Variants in TRANK1 observed in about 807,000 individuals in gnomAD.
TRANK1 encodes tetratricopeptide repeat and ankyrin repeat containing 1.
In TRANK1, 198 loss-of-function variants were observed where a neutral mutation model predicts 266.0. The observed-to-expected ratio is 0.74, with a 90% CI of 0.66 to 0.84. The LOEUF (loss-of-function observed/expected upper bound fraction) is 0.84, where lower values mean the gene tolerates loss of function less well. Among genes scored for constraint, TRANK1 ranks in the 40% least tolerant of loss-of-function variants. The pLI is 0.00. For missense variants in TRANK1, 3,326 were observed against 3,634.6 expected (o/e 0.92, Z 2.18); for synonymous variants, 1,396 against 1,384.1 (o/e 1.01, Z -0.19).
chr3:36,871,936 C>G (rs144656106), intron 9 of TRANK1, among the ~76,000 whole-genome samples: 1 of 152,220 alleles, frequency 6.6e-6, no homozygotes, highest in African/African-American at 2.4e-5. Context: ...TTGCTGCCCA[C>G]TTGCACATTC....
chr3:36,923,548 G>A (rs576295579), intron 1 of TRANK1, among the ~76,000 whole-genome samples: 28 of 152,180 alleles, frequency 1.8e-4, no homozygotes, highest in East Asian at 3.9e-4. Context: ...GAGCCACCGC[G>A]CCTGGCCTTG....
At position 36,833,084 on chromosome 3, in the gene TRANK1, C is replaced by T; in HGVS notation, c.6499G>A (p.Ala2167Thr). ...CTGCCCAAAAGGTGTTTGTTTAGGG[C>T]TAATTTCACTTGGTCAGTCATTATC... ...FLIMTDQVKL[A>T]LNKHLLGRLC... The change falls in exon 22 of 24, where the codon GCC (alanine) becomes ACC (threonine). Residue 2167 changes from alanine to threonine, a missense_variant. Ala to Thr is a moderately conservative substitution (Grantham distance 58). Transcript: ENST00000645898. 1 of 1,612,608 alleles carries T rather than the reference C, an allele frequency of 6.2e-7. No individual in the cohort carries two copies. Among genetic ancestry groups the T allele is most frequent in the Non-Finnish European group, 8.5e-7 (1 of 1,179,222 alleles).
At chr3:36,907,878 G>GT (rs1406653506) in intron 2 of TRANK1, among the ~76,000 whole-genome samples, 6 of 152,192 alleles carry the variant, frequency 3.9e-5, no homozygotes, top group Non-Finnish European at 7.3e-5. Flanking sequence ...CCTCAGCAAT[G>GT]TTTAAGCATG....
At position 36,856,933 on chromosome 3, in the gene TRANK1, T is replaced by G; in HGVS notation, c.2789A>C (p.Lys930Thr). The change falls in exon 13 of 24, where the codon AAA becomes ACA. Residue 930 changes from lysine (K) to threonine (T), a missense_variant. By Grantham distance (78) the Lys-to-Thr change is moderately conservative. Coordinates refer to ENST00000645898, the MANE Select transcript of TRANK1 (RefSeq NM_001329998.2). ...GATTTCCGTGTAGATCCGCCCTGAT[T>G]TCTCCATTGCACACGTGTTCTGCTC... is the stretch of plus-strand genomic sequence containing the variant. ...ATEQNTCAME[K>T]SGRIYTEIIR... 6.3e-7 allele frequency: 1 copy of G among 1,578,268 alleles called. No individual in the cohort carries two copies. The highest frequency in any genetic ancestry group is 8.6e-7 in the Non-Finnish European group (1 of 1,162,550).
chr3:36,828,894 G>A (rs1291897493), intron 23 of TRANK1, among the ~76,000 whole-genome samples: 1 of 152,162 alleles, frequency 6.6e-6, no homozygotes, highest in Non-Finnish European at 1.5e-5. Flanking sequence ...GTCCCTTCAA[G>A]TTTTCCCCAC....
chr3:36,829,361 A>G (rs947169534), intron 23 of TRANK1, among the ~76,000 whole-genome samples: 1 of 152,204 alleles, frequency 6.6e-6, no homozygotes. Flanking sequence ...ATGTGCCCAG[A>G]ATAATGGCCC....
intron 10 of TRANK1, among the ~76,000 whole-genome samples, chr3:36,863,561 C>T (rs1414724459): frequency 6.6e-6 from 1 of 152,238 alleles, no homozygotes; most frequent in Non-Finnish European, 1.5e-5. Context: ...CCCATCCTAA[C>T]AGCTAACGAG....
chr3:36,936,366 T>G (rs2080425500), intron 1 of TRANK1, among the ~76,000 whole-genome samples: 1 of 151,830 alleles, frequency 6.6e-6, no homozygotes, highest in African/African-American at 2.4e-5. Flanking sequence ...ATGCCTGTAG[T>G]CCCAGCTACT....
In TRANK1 at chr3:36,862,180, T is replaced by A. The variant is rs2079151679; in HGVS notation, c.1241-1020A>T. On this transcript the variant is annotated intron_variant, in intron 10 of 23. Transcript: ENST00000645898. ...ATACTAAAAAATTATTCATTGCTTATCTGAAATTTAAATTCAACAGGGAAT... is the reference window on the plus strand; with the variant it reads ...ATACTAAAAAATTATTCATTGCTTAACTGAAATTTAAATTCAACAGGGAAT... Among the ~76,000 whole-genome samples the A allele has an allele frequency of 2.6e-5, 4 of 152,136 alleles. No individual in the cohort carries two copies. In the South Asian group the frequency reaches 8.3e-4, roughly 32 times the overall value.
At chr3:36,852,088 A>G in intron 14 of TRANK1, 58 bp downstream of exon 14, 2 of 1,505,870 alleles carry the variant, frequency 1.3e-6, no homozygotes, top group East Asian at 2.3e-5. Context: ...AGCTTCTCAA[A>G]CTTTTTTCAA....
intron 1 of TRANK1, among the ~76,000 whole-genome samples, chr3:36,942,958 A>T (rs2080517243): frequency 6.6e-6 from 1 of 151,950 alleles, no homozygotes; most frequent in African/African-American, 2.4e-5. Context: ...AAGCGGGTGG[A>T]TCACTTGAGA....
intron 1 of TRANK1, among the ~76,000 whole-genome samples, chr3:36,921,154 G>A (rs2080207934): frequency 6.6e-6 from 1 of 152,018 alleles, no homozygotes; most frequent in Non-Finnish European, 1.5e-5. Flanking sequence ...TGTCTTTCCT[G>A]CCAAACTGTT....
intron 1 of TRANK1, among the ~76,000 whole-genome samples, chr3:36,910,686 G>C (rs1221821365): frequency 6.6e-6 from 1 of 152,104 alleles, no homozygotes; most frequent in African/African-American, 2.4e-5. Flanking sequence ...GTTGCAGTGA[G>C]CCAAGATCAC....
At chr3:36,918,602 G>GAAA (rs2080168783) in intron 1 of TRANK1, among the ~76,000 whole-genome samples, 4 of 54,600 alleles carry the variant, frequency 7.3e-5, no homozygotes, top group African/African-American at 3.1e-4. Context: ...AAGGAAGGAA[G>GAAA]GAAGGAAAGA....
intron 1 of TRANK1, among the ~76,000 whole-genome samples, chr3:36,918,583 G>A (rs2080167157): frequency 9.8e-6 from 1 of 102,278 alleles, no homozygotes; most frequent in Non-Finnish European, 2.1e-5. Context: ...AGGAAGGAAG[G>A]AAGGAAGGAA....
rs751157253 is a variant in TRANK1, at chr3:36,856,076, T to G, written c.3646A>C (p.Thr1216Pro). 1 of 1,613,814 alleles carries G rather than the reference T, an allele frequency of 6.2e-7. No homozygotes were observed. Among genetic ancestry groups the G allele is most frequent in the South Asian group, 1.1e-5 (1 of 91,078 alleles). Residue 1216 changes from threonine (T) to proline (P), a missense_variant, in exon 13 of 24, where the codon ACC (threonine) becomes CCC (proline). Transcript: ENST00000645898. ...QRNFIELSKSTKATSHYKPLD... is the reference protein window; with the variant it reads ...QRNFIELSKSPKATSHYKPLD... ...GGTTTGTAATGACTAGTGGCCTTGG[T>G]GGACTTGGAAAGCTCAATGAAATTC...
intron 4 of TRANK1, among the ~76,000 whole-genome samples, chr3:36,898,522 G>A (rs1026570978): frequency 2.0e-5 from 3 of 151,786 alleles, no homozygotes; most frequent in African/African-American, 4.8e-5. Flanking sequence ...GTATAAATAC[G>A]GAAACCCCTA....
intron 9 of TRANK1, among the ~76,000 whole-genome samples, chr3:36,869,233 A>G (rs2079270790): frequency 6.6e-6 from 1 of 152,190 alleles, no homozygotes; most frequent in African/African-American, 2.4e-5. Flanking sequence ...CAAATAATTC[A>G]TGTACATGTT....
rs1370506047 is a variant in TRANK1, at chr3:36,856,248, A to C, written c.3474T>G (p.Tyr1158Ter). The C allele has an allele frequency of 1.9e-6, 3 of 1,612,062 alleles. No homozygotes were observed. Among genetic ancestry groups the C allele is most frequent in the Non-Finnish European group, 2.5e-6 (3 of 1,178,862 alleles). ...CACCGGCTCCTCCTGCGCAGGCTTC[A>C]TACTCCTGCTCATCTATGCTTTCTA... Reference protein sequence around the residue: ...ETVESIDEQEYEACAGGAGVE... With the variant: ...ETVESIDEQE The change falls in exon 13 of 24, where the codon TAT becomes TAG. Residue 1158 changes from tyrosine (Y) to a stop codon, truncating the protein, a stop_gained. Transcript: ENST00000645898. LOFTEE classifies it high-confidence loss of function.
Sources: allele counts gnomAD v4.1 joint callset (sites outside exome capture counted in the v4.1 genomes callset), GRCh38; gene constraint gnomAD v4.1.1; transcripts MANE v1.5; gene names NCBI Gene and HGNC (gene_info 2026-07-23, HGNC 2026-07-21).